MS4A3: variants seen among roughly 807,000 people sequenced by gnomAD.
MS4A3 encodes the protein membrane spanning 4-domains A3, also known as membrane-spanning 4-domains subfamily A member 3.
MS4A3 carries 18 observed loss-of-function variants against 24.7 expected under a neutral mutation model. The observed-to-expected ratio is 0.73, with a 90% confidence interval of 0.50 to 1.08. MS4A3 has a LOEUF of 1.08. Ranked by LOEUF, MS4A3 falls within the 50% of genes least tolerant of loss-of-function variation. The pLI, the probability that MS4A3 is intolerant of heterozygous loss-of-function variation, is 0.00. For missense variants in MS4A3, 282 were observed against 251.7 expected (o/e 1.12, Z -0.82); for synonymous variants, 84 against 95.3 (o/e 0.88, Z 0.69).
chr11:60,069,455 T>C (rs757363552), intron 5 of MS4A3, 119 bp from the exon 6 acceptor site: 75 of 676,940 alleles, frequency 1.1e-4, no homozygotes, highest in Non-Finnish European at 1.8e-4. Flanking sequence ...CTTTAATTTA[T>C]GGTTCACTTT....
intron 4 of MS4A3, among the ~76,000 whole-genome samples, 162 bp downstream of exon 4, chr11:60,064,480 C>G (rs1261501713): frequency 7.0e-6 from 1 of 142,844 alleles, no homozygotes. Context: ...GTCAGCAGAT[C>G]ACATACATTG....
intron 3 of MS4A3, among the ~76,000 whole-genome samples, chr11:60,062,942 C>T (rs1046959752): frequency 6.6e-6 from 1 of 152,046 alleles, no homozygotes; most frequent in Non-Finnish European, 1.5e-5. Context: ...CAGGCATGCA[C>T]CACCATGCCC....
intron 2 of MS4A3, 98 bp downstream of exon 2, chr11:60,061,414 C>T: frequency 1.4e-6 from 2 of 1,418,002 alleles, no homozygotes; most frequent in Non-Finnish European, 1.9e-6. Context: ...GATTCCCTTA[C>T]ATGTGGATTT....
chr11:60,067,702 AATT>A (rs1189233310), intron 5 of MS4A3, among the ~76,000 whole-genome samples: 1 of 152,188 alleles, frequency 6.6e-6, no homozygotes, highest in African/African-American at 2.4e-5. Flanking sequence ...CATGATACAC[AATT>A]ATTATTACCA....
rs2134666428 is a variant in MS4A3 at position 60,066,953 on chromosome 11, A to G, written c.354A>G (p.Ile118Met). The G allele has an allele frequency of 1.3e-6, 2 of 1,588,102 alleles. No homozygotes were observed. The highest frequency in any genetic ancestry group is 1.7e-6 in the Non-Finnish European group (2 of 1,173,400). Reference protein sequence around the residue: ...VAGIKPTRTWIQNSFGMNIAS... With the variant: ...VAGIKPTRTWMQNSFGMNIAS... Reference sequence around the variant, plus strand: ...TGAAAATTCTTATTCTTTTTTAGATACAGAACAGTTTTGGAATGAACATTG... The same window carrying G: ...TGAAAATTCTTATTCTTTTTTAGATGCAGAACAGTTTTGGAATGAACATTG... Residue 118 changes from isoleucine to methionine, a missense_variant and splice_region_variant, in exon 5 of 7, where the codon ATA (isoleucine) becomes ATG (methionine). By Grantham distance (10) the Ile-to-Met change is conservative. Coordinates refer to ENST00000278865, the MANE Select transcript of MS4A3 (RefSeq NM_006138.5).
chr11:60,067,484 G>A lies in MS4A3; in HGVS notation c.513+372G>A, dbSNP rs569618421. Among the ~76,000 whole-genome samples, 4 of 152,046 alleles carry A rather than the reference G, an allele frequency of 2.6e-5. No homozygotes were observed. The East Asian group carries it at 7.8e-4, about 30-fold the overall frequency. On this transcript the variant is annotated intron_variant, in intron 5 of 6. Coordinates refer to ENST00000278865, the MANE Select transcript of MS4A3 (RefSeq NM_006138.5). ...CCCGCCTCGGCCTCCCAAAGTGCTG[G>A]GATAAGGGGCGTGAGCCACCGCGCC...
intron 1 of MS4A3, among the ~76,000 whole-genome samples, chr11:60,057,869 G>T (rs1295078961): frequency 1.3e-5 from 2 of 152,178 alleles, no homozygotes; most frequent in Non-Finnish European, 2.9e-5. Flanking sequence ...AAATGCTCTT[G>T]GAGTTTCTTG....
In MS4A3 at chr11:60,059,846, C is replaced by T. The variant is rs146570272; in HGVS notation, c.-15-1300C>T. ...TGAATAGTGCTGCAATGAACATTCA[C>T]GTGCATGTGTTTTATGGTAGAATGA... On this transcript the variant is annotated intron_variant, in intron 1 of 6. Transcript: ENST00000278865. 4.7e-3 allele frequency among the ~76,000 whole-genome samples: 720 copies of T among 152,216 alleles called. 9 individuals are homozygous for T. The highest frequency in any genetic ancestry group is 0.016 in the African/African-American group (680 of 41,544).
intron 4 of MS4A3, among the ~76,000 whole-genome samples, chr11:60,066,447 T>C (rs1049228100): frequency 3.3e-5 from 5 of 152,172 alleles, no homozygotes; most frequent in African/African-American, 1.2e-4. Flanking sequence ...TAACTTTCCT[T>C]CTTCTTCATT....
chr11:60,061,232 G>A lies in MS4A3; in HGVS notation c.72G>A (p.Ala24=), dbSNP rs763316046. The change falls in exon 2 of 7, where the codon GCG becomes GCA. Residue 24 remains alanine, a synonymous_variant. Coordinates refer to ENST00000278865, the MANE Select transcript of MS4A3 (RefSeq NM_006138.5). ...CCCATGGTACCCCAGGCAGTGAGGC[G>A]GGACCAGAAGAGCTGAATACTTCTG... ...ASAHGTPGSE[A]GPEELNTSVY... 2.4e-5 allele frequency: 39 copies of A among 1,613,444 alleles called. No individual in the cohort carries two copies. The highest frequency in any genetic ancestry group is 3.3e-5 in the South Asian group (3 of 91,012).
intron 6 of MS4A3, 138 bp from the exon 7 acceptor site, chr11:60,070,066 T>C (rs1855450653): frequency 1.4e-6 from 1 of 735,328 alleles, no homozygotes; most frequent in East Asian, 2.7e-5. Context: ...ACTGTGTATA[T>C]AATCTTTATG....
At chr11:60,057,431 G>T (rs1855189167) in intron 1 of MS4A3, among the ~76,000 whole-genome samples, 2 of 152,088 alleles carry the variant, frequency 1.3e-5, no homozygotes, top group Admixed American at 1.3e-4. Flanking sequence ...GAGAGACAGA[G>T]TCTCGCTCTG....
intron 1 of MS4A3, among the ~76,000 whole-genome samples, chr11:60,059,365 G>A (rs1271780273): frequency 6.6e-6 from 1 of 152,020 alleles, no homozygotes; most frequent in East Asian, 1.9e-4. Context: ...GTAACAAAGA[G>A]TAGAAATTAA....
At position 60,058,379 on chromosome 11, in the gene MS4A3, C is replaced by T. The variant is rs187935569; in HGVS notation, c.-16+1639C>T. 1.7e-3 allele frequency among the ~76,000 whole-genome samples: 256 copies of T among 151,196 alleles called. 1 individual carries two copies. Among genetic ancestry groups the T allele is most frequent in the African/African-American group, 4.0e-3 (164 of 41,120 alleles). On this transcript the variant is annotated intron_variant, in intron 1 of 6. Transcript: ENST00000278865. ...AAAATTAGCTGGGTGTGGTGGTGCA[C>T]GCCTGTAATCCCAGCTACTTGGGAG...
chr11:60,064,981 TTGAGTA>T (rs1228836587), intron 4 of MS4A3, among the ~76,000 whole-genome samples: 13 of 152,292 alleles, frequency 8.5e-5, no homozygotes, highest in Admixed American at 2.0e-4. Context: ...ATCTCCCTAC[TTGAGTA>T]TAAGATTCCA....
chr11:60,060,475 A>G (rs1021619712), intron 1 of MS4A3, among the ~76,000 whole-genome samples: 9 of 152,160 alleles, frequency 5.9e-5, no homozygotes, highest in Admixed American at 2.6e-4. Flanking sequence ...CTTAAACTCT[A>G]CCATGCTATG....
At chr11:60,070,148 GAGGAGA>G in intron 6 of MS4A3, 50 bp from the exon 7 acceptor site, 1 of 1,399,714 alleles carries the variant, frequency 7.1e-7, no homozygotes. Context: ...GAAGGGATGG[GAGGAGA>G]AGGAGATAAT....
chr11:60,058,728 C>T (rs1484067541), intron 1 of MS4A3, among the ~76,000 whole-genome samples: 1 of 151,790 alleles, frequency 6.6e-6, no homozygotes, highest in Admixed American at 6.6e-5. Flanking sequence ...AGGCAGGAGA[C>T]GTAGGCGAGA....
At chr11:60,068,124 ACAACTTTCTCTG>A (rs1349636146) in intron 5 of MS4A3, among the ~76,000 whole-genome samples, 2 of 152,184 alleles carry the variant, frequency 1.3e-5, no homozygotes, top group African/African-American at 4.8e-5. Context: ...TGAGAGATTT[ACAACTTTCTCTG>A]CAATCTGGAA....
Sources: gnomAD v4.1 joint callset for allele counts (sites outside exome capture counted in the v4.1 genomes callset) on GRCh38, gnomAD v4.1.1 for gene constraint, MANE v1.5 for transcripts, NCBI Gene and HGNC (gene_info 2026-07-23, HGNC 2026-07-21) for gene names.